Variants in ERC1 observed in about 807,000 individuals in gnomAD.
ERC1 encodes the protein ELKS/RAB6-interacting/CAST family member 1.
A neutral mutation model predicts 132.0 loss-of-function variants in ERC1; 56 were observed. The observed-to-expected ratio is 0.42, with a 90% CI of 0.34 to 0.53. The LOEUF (loss-of-function observed/expected upper bound fraction) is 0.53, where lower values mean the gene tolerates loss of function less well. Among genes scored for constraint, ERC1 ranks in the 20% least tolerant of loss-of-function variants. The pLI, the probability that ERC1 is intolerant of heterozygous loss-of-function variation, is 0.03. For synonymous variants in ERC1, 478 were observed against 476.1 expected (o/e 1.00, Z -0.05); for missense variants, 1,202 against 1,349.9 (o/e 0.89, Z 1.72).
chr12:1,325,467 G>A (rs1487486986), intron 15 of ERC1, among the ~76,000 whole-genome samples: 1 of 152,122 alleles, frequency 6.6e-6, no homozygotes, highest in Non-Finnish European at 1.5e-5. Context: ...TTTCTCTGCT[G>A]TAAGAAAACA....
intron 16 of ERC1, among the ~76,000 whole-genome samples, chr12:1,395,626 A>G (rs1374691651): frequency 2.0e-5 from 3 of 151,508 alleles, no homozygotes; most frequent in Admixed American, 1.3e-4. Context: ...CAGCTCAGGG[A>G]AAACTATAAG....
At chr12:1,032,459 C>T (rs926460660) in intron 2 of ERC1, among the ~76,000 whole-genome samples, 3 of 152,212 alleles carry the variant, frequency 2.0e-5, no homozygotes, top group African/African-American at 7.2e-5. Context: ...ACCATTTGCT[C>T]AGTGTGTCTC....
At chr12:1,149,090 T>TAA (rs138015698) in intron 8 of ERC1, among the ~76,000 whole-genome samples, 6,470 of 152,226 alleles carry the variant, frequency 0.043, 438 homozygotes, top group African/African-American at 0.15. Flanking sequence ...CCATAAAAAA[T>TAA]AAAATGAATA....
At chr12:1,012,055 A>G (rs982707715) in intron 1 of ERC1, among the ~76,000 whole-genome samples, 3 of 152,174 alleles carry the variant, frequency 2.0e-5, no homozygotes, top group African/African-American at 7.2e-5. Flanking sequence ...TAAAGATTTC[A>G]CTTAAACATT....
intron 18 of ERC1, among the ~76,000 whole-genome samples, chr12:1,487,845 AAG>A (rs2094256419): frequency 6.6e-6 from 1 of 151,622 alleles, no homozygotes; most frequent in Non-Finnish European, 1.5e-5. Context: ...AAAGAAAGGA[AAG>A]AGAGAAAAAG....
chr12:1,489,441 T>G (rs1288706958), intron 18 of ERC1, among the ~76,000 whole-genome samples: 1 of 152,184 alleles, frequency 6.6e-6, no homozygotes, highest in African/African-American at 2.4e-5. Flanking sequence ...TCCATTAACC[T>G]AAATGTGTCT....
At chr12:1,026,189 A>G (rs1263613938) in intron 1 of ERC1, among the ~76,000 whole-genome samples, 7 of 152,192 alleles carry the variant, frequency 4.6e-5, no homozygotes, top group Non-Finnish European at 8.8e-5. Flanking sequence ...TATGTCTTAC[A>G]TGGCGACAGG....
intron 17 of ERC1, among the ~76,000 whole-genome samples, chr12:1,438,485 T>C (rs541798457): frequency 6.8e-4 from 103 of 152,314 alleles, no homozygotes; most frequent in African/African-American, 1.8e-3. Context: ...AGTTAATATA[T>C]GGACAGTTGA....
chr12:1,345,684 C>T (rs758237795), intron 15 of ERC1, among the ~76,000 whole-genome samples: 4 of 152,118 alleles, frequency 2.6e-5, no homozygotes, highest in Non-Finnish European at 5.9e-5. Context: ...ATCAGCTTTA[C>T]CAAGGTTTAT....
chr12:1,076,673 A>G (rs1428824943), intron 2 of ERC1, among the ~76,000 whole-genome samples: 2 of 152,100 alleles, frequency 1.3e-5, no homozygotes, highest in African/African-American at 4.8e-5. Context: ...GATTATAGGC[A>G]TGAGTGATTT....
At chr12:1,025,177 GA>G (rs532086449) in intron 1 of ERC1, among the ~76,000 whole-genome samples, 29 of 152,188 alleles carry the variant, frequency 1.9e-4, no homozygotes, top group Non-Finnish European at 2.9e-4. Context: ...TATACTTGTA[GA>G]GTATGAACAT....
intron 1 of ERC1, chr12:991,688 G>GA (rs1204343129): frequency 6.6e-6 from 1 of 152,152 alleles, no homozygotes; most frequent in Non-Finnish European, 1.5e-5. Context: ...TTGGGGAGCG[G>GA]AGGGGGGGAG....
intron 2 of ERC1, among the ~76,000 whole-genome samples, chr12:1,050,575 A>G (rs1045918674): frequency 5.3e-5 from 8 of 152,170 alleles, no homozygotes; most frequent in Non-Finnish European, 1.5e-5. Flanking sequence ...TTTGCTTACC[A>G]TCTATTCAGT....
intron 16 of ERC1, among the ~76,000 whole-genome samples, chr12:1,392,875 A>G (rs751490387): frequency 3.3e-5 from 5 of 152,232 alleles, no homozygotes; most frequent in Non-Finnish European, 7.3e-5. Flanking sequence ...AAGAAACTTT[A>G]GAGAATAGAG....
intron 2 of ERC1, among the ~76,000 whole-genome samples, chr12:1,054,512 C>G (rs1972584640): frequency 3.3e-5 from 5 of 151,992 alleles, no homozygotes; most frequent in South Asian, 2.1e-4. Context: ...TGACCTTAGA[C>G]AGTGCTGCAG....
At chr12:1,067,926 CTTTTTTT>C (rs71441641) in intron 2 of ERC1, among the ~76,000 whole-genome samples, 4 of 120,978 alleles carry the variant, frequency 3.3e-5, no homozygotes, top group African/African-American at 1.3e-4. Flanking sequence ...TTAGCCACTG[CTTTTTTT>C]TTTTTTTTTT....
chr12:1,060,940 A>T (rs1937725511), intron 2 of ERC1, among the ~76,000 whole-genome samples: 1 of 151,880 alleles, frequency 6.6e-6, no homozygotes, highest in Admixed American at 6.6e-5. Context: ...GTTAGCCAGG[A>T]TGATCTCGAT....
intron 12 of ERC1, among the ~76,000 whole-genome samples, chr12:1,197,012 CCT>C (rs1555300430): frequency 7.5e-6 from 1 of 133,342 alleles, no homozygotes; most frequent in Non-Finnish European, 1.6e-5. Flanking sequence ...ACAGATTTTC[CCT>C]CTGTCACCCA....
chr12:1,031,608 C>G (rs1049166972), intron 2 of ERC1, among the ~76,000 whole-genome samples: 2 of 152,140 alleles, frequency 1.3e-5, no homozygotes, highest in Non-Finnish European at 2.9e-5. Context: ...TAACTTCAAA[C>G]TACTTTGCTT....
Sources: allele counts gnomAD v4.1 joint callset (sites outside exome capture counted in the v4.1 genomes callset), GRCh38; gene constraint gnomAD v4.1.1; transcripts MANE v1.5; gene names NCBI Gene and HGNC (gene_info 2026-07-23, HGNC 2026-07-21).